GRID1: variants seen among roughly 807,000 people sequenced by gnomAD.
GRID1 encodes the protein glutamate ionotropic receptor delta type subunit 1.
A neutral mutation model predicts 98.0 loss-of-function variants in GRID1; 28 were observed. The ratio of observed to expected loss-of-function variants is 0.29; its 90% CI spans 0.21 to 0.39. The LOEUF is 0.39. GRID1 is among the 10% of genes least tolerant of loss of function. The probability of loss-of-function intolerance (pLI) is 1.00; values close to 1 mark genes in which losing one functional copy is unlikely to be tolerated. For synonymous variants in GRID1, 553 were observed against 538.5 expected (o/e 1.03, Z -0.37); for missense variants, 1,111 against 1,340.5 (o/e 0.83, Z 2.67).
intron 12 of GRID1, among the ~76,000 whole-genome samples, chr10:85,654,507 T>C (rs918009312): frequency 1.3e-5 from 2 of 152,148 alleles, no homozygotes; most frequent in Non-Finnish European, 2.9e-5. Flanking sequence ...CAAGCATCAG[T>C]TCTGGGCCTT....
chr10:86,364,074 C>T lies in GRID1; in HGVS notation c.102G>A (p.Ala34=), dbSNP rs1190182885. ...IHIGAIFEEN[A]AKDDRVFQLA... Reference sequence around the variant, plus strand: ...ACTGGAACACCCTGTCGTCCTTGGCCGCGTTCTCCTCGAAGATGGCACCTG... The same window carrying T: ...ACTGGAACACCCTGTCGTCCTTGGCTGCGTTCTCCTCGAAGATGGCACCTG... The change falls in exon 2 of 16, where the codon GCG becomes GCA. Residue 34 remains alanine (A), a synonymous_variant. Transcript: ENST00000327946. 1.2e-6 allele frequency: 2 copies of T among 1,613,934 alleles called. No individual in the cohort carries two copies. Among genetic ancestry groups the T allele is most frequent in the Non-Finnish European group, 8.5e-7 (1 of 1,179,876 alleles).
chr10:86,104,708 C>A (rs1229863969), intron 4 of GRID1, among the ~76,000 whole-genome samples: 1 of 152,228 alleles, frequency 6.6e-6, no homozygotes, highest in Non-Finnish European at 1.5e-5. Context: ...GCCCTCAGGA[C>A]CACAGGGCTC....
intron 3 of GRID1, 106 bp from the exon 4 acceptor site, chr10:86,139,130 A>T (rs986015776): frequency 2.6e-6 from 2 of 759,396 alleles, no homozygotes; most frequent in Non-Finnish European, 2.3e-6. Context: ...GCCACCACGA[A>T]AAATGAGGGT....
chr10:85,680,508 G>A (rs763438170), intron 12 of GRID1, among the ~76,000 whole-genome samples: 12 of 152,186 alleles, frequency 7.9e-5, no homozygotes, highest in Non-Finnish European at 1.3e-4. Flanking sequence ...AAAAGGGAAC[G>A]CGTATACATC....
intron 2 of GRID1, among the ~76,000 whole-genome samples, chr10:86,326,166 A>G (rs1366559233): frequency 1.3e-5 from 2 of 152,246 alleles, no homozygotes; most frequent in African/African-American, 4.8e-5. Context: ...CTGGGGATAA[A>G]CCTAGTAAGA....
At chr10:85,715,660 T>TA (rs1400770480) in intron 12 of GRID1, among the ~76,000 whole-genome samples, 2 of 152,118 alleles carry the variant, frequency 1.3e-5, no homozygotes, top group African/African-American at 4.8e-5. Flanking sequence ...TACAATGAGG[T>TA]ATCACCTTAC....
At chr10:86,228,272 G>GGCGAGGA in intron 2 of GRID1, among the ~76,000 whole-genome samples, 1 of 145,058 alleles carries the variant, frequency 6.9e-6, no homozygotes, top group African/African-American at 2.6e-5. Flanking sequence ...AGGATGGTGT[G>GGCGAGGA]GTGAGGAGTG....
chr10:85,769,988 G>T (rs970626366), intron 8 of GRID1, among the ~76,000 whole-genome samples: 1 of 152,204 alleles, frequency 6.6e-6, no homozygotes, highest in African/African-American at 2.4e-5. Flanking sequence ...CTCCCAGCAT[G>T]CAGCTGGAGA....
chr10:85,967,671 T>C (rs985617710), intron 4 of GRID1, among the ~76,000 whole-genome samples: 1 of 152,190 alleles, frequency 6.6e-6, no homozygotes, highest in Non-Finnish European at 1.5e-5. Flanking sequence ...AAGAACTAAA[T>C]GAAATTCTTG....
At position 85,743,408 on chromosome 10, in the gene GRID1, T is replaced by G. The variant is rs553180238; in HGVS notation, c.1234-13794A>C. Among the ~76,000 whole-genome samples, 19 of 152,272 alleles carry G rather than the reference T, an allele frequency of 1.2e-4. No individual in the cohort carries two copies. The East Asian group carries it at 3.7e-3, about 29-fold the overall frequency. On this transcript the variant is annotated intron_variant, in intron 8 of 15. Transcript: ENST00000327946. ...CTGACATACAGAATCCATTAGACAT[T>G]TATAAATTATTATTTTACAAAATTT...
intron 12 of GRID1, among the ~76,000 whole-genome samples, chr10:85,698,858 G>T (rs773576549): frequency 6.6e-6 from 1 of 152,116 alleles, no homozygotes; most frequent in Non-Finnish European, 1.5e-5. Flanking sequence ...GGTGTGTAGT[G>T]GTATTCCACT....
chr10:85,647,121 CT>C, intron 13 of GRID1, 80 bp downstream of exon 13: 1 of 1,099,668 alleles, frequency 9.1e-7, no homozygotes, highest in Non-Finnish European at 1.4e-6. Context: ...GCAGATGCCC[CT>C]GGAGGTGTCT....
intron 4 of GRID1, among the ~76,000 whole-genome samples, chr10:86,010,814 CAAAAAA>C (rs58304694): frequency 8.7e-6 from 1 of 114,546 alleles, no homozygotes; most frequent in South Asian, 2.8e-4. Flanking sequence ...ACTATGTCTC[CAAAAAA>C]AAAAAAAAAA....
At chr10:85,804,122 A>G (rs1842601227) in intron 8 of GRID1, among the ~76,000 whole-genome samples, 2 of 151,816 alleles carry the variant, frequency 1.3e-5, no homozygotes, top group South Asian at 4.1e-4. Flanking sequence ...AAAAATTGAT[A>G]AAACCCTATT....
chr10:85,896,769 G>T (rs1216184389), intron 5 of GRID1, among the ~76,000 whole-genome samples: 1 of 152,064 alleles, frequency 6.6e-6, no homozygotes, highest in Non-Finnish European at 1.5e-5. Context: ...GATGAGACAG[G>T]CACTATGATA....
At chr10:85,799,605 C>G (rs1375480111) in intron 8 of GRID1, among the ~76,000 whole-genome samples, 3 of 151,942 alleles carry the variant, frequency 2.0e-5, no homozygotes, top group Non-Finnish European at 4.4e-5. Context: ...TACGTTAACC[C>G]AAATAAGCCA....
chr10:85,919,988 C>T (rs561179631), intron 4 of GRID1, among the ~76,000 whole-genome samples: 19 of 152,264 alleles, frequency 1.2e-4, no homozygotes, highest in African/African-American at 4.3e-4. Context: ...TTGGCACTCA[C>T]GGTGCCTTGG....
In GRID1 at chr10:85,916,301, G is replaced by T; in HGVS notation, c.727-62C>A. 1 of 1,170,152 alleles carries T rather than the reference G, an allele frequency of 8.5e-7. No homozygotes were observed. Among genetic ancestry groups the T allele is most frequent in the Non-Finnish European group, 1.3e-6 (1 of 777,018 alleles). The allele number at this position is 1,170,152 out of a possible 1,614,324, so 72.5% of individuals were successfully genotyped here. On this transcript the variant is annotated intron_variant, in intron 4 of 15. Transcript: ENST00000327946. This position sits in a 1 kb window ranked among gnomAD's most constrained non-coding sequence, Gnocchi z 4.0. ...AGACAGAAGCTGGCAGACACAGGAT[G>T]ATTGCCGAGACAGAGTTTTATAAAC...
intron 2 of GRID1, among the ~76,000 whole-genome samples, chr10:86,240,533 C>G (rs895453863): frequency 7.2e-6 from 1 of 139,728 alleles, no homozygotes; most frequent in Non-Finnish European, 1.5e-5. Context: ...AGAGCTGTGG[C>G]TATTGTACGC....
Sources: gnomAD v4.1 joint callset for allele counts (sites outside exome capture counted in the v4.1 genomes callset) on GRCh38, gnomAD v4.1.1 for gene constraint, Gnocchi (gnomAD v3.1) non-coding constraint, MANE v1.5 for transcripts, NCBI Gene and HGNC (gene_info 2026-07-23, HGNC 2026-07-21) for gene names.